The following SCML4 variants were observed in gnomAD, a reference collection of about 807,000 sequenced individuals.
The protein encoded by SCML4 is sex comb on midleg-like protein 4.
In SCML4, 34 loss-of-function variants were observed where a neutral mutation model predicts 41.1. That is an observed-to-expected ratio of 0.83 (90% CI 0.63 to 1.10). The LOEUF (loss-of-function observed/expected upper bound fraction) is 1.10, where lower values mean the gene tolerates loss of function less well. Among genes scored for constraint, SCML4 ranks in the 50% least tolerant of loss-of-function variants. SCML4 has a pLI of 0.00. For synonymous variants in SCML4, 214 were observed against 220.9 expected, an observed-to-expected ratio of 0.97 and a Z score of 0.28; for missense variants, 522 against 534.1, an observed-to-expected ratio of 0.98 and a Z score of 0.22.
At chr6:107,770,173 T>G (rs758377815) in intron 2 of SCML4, among the ~76,000 whole-genome samples, 10 of 152,274 alleles carry the variant, frequency 6.6e-5, no homozygotes, top group Non-Finnish European at 1.3e-4. Flanking sequence ...CTGGGGAGAT[T>G]AATAGGTTGC....
chr6:107,742,102 AT>A (rs1230622392), intron 5 of SCML4, among the ~76,000 whole-genome samples: 4 of 152,342 alleles, frequency 2.6e-5, no homozygotes, highest in South Asian at 2.1e-4. Context: ...ATTAAAAAAA[AT>A]CAAACAGAAA....
intron 1 of SCML4, among the ~76,000 whole-genome samples, chr6:107,799,956 G>A (rs761064346): frequency 2.0e-5 from 3 of 149,932 alleles, no homozygotes; most frequent in Admixed American, 6.6e-5. Context: ...GTCCACTGTG[G>A]ATATGTTCCT....
intron 5 of SCML4, among the ~76,000 whole-genome samples, chr6:107,735,672 T>G: frequency 6.6e-6 from 1 of 151,506 alleles, no homozygotes; most frequent in East Asian, 1.9e-4. Flanking sequence ...GGTGGCAGGC[T>G]CCTGTAATCC....
At chr6:107,784,531 A>C (rs1484193564) in intron 1 of SCML4, among the ~76,000 whole-genome samples, 12 of 152,240 alleles carry the variant, frequency 7.9e-5, no homozygotes, top group Non-Finnish European at 7.3e-5. Flanking sequence ...AAGCATTTTT[A>C]CAATAGTAGC....
At chr6:107,812,822 C>A (rs182429908) in intron 1 of SCML4, among the ~76,000 whole-genome samples, 4 of 151,584 alleles carry the variant, frequency 2.6e-5, no homozygotes, top group Admixed American at 2.0e-4. Context: ...CGGGACTTCT[C>A]GGCCTCCATA....
chr6:107,720,793 T>C lies in SCML4; in HGVS notation c.883A>G (p.Met295Val), dbSNP rs746589437. ...GGTGCCGAGGGGCCACCAGAAGACA[T>C]GGGGCTAGTGCGGGGACCACCAGCG... The part of the protein sequence containing the change: ...ATAGGPRTSP[M>V]SSGGPSAPGL... The change falls in exon 6 of 8, where the codon ATG (methionine) becomes GTG (valine). Residue 295 changes from methionine (M) to valine (V), a missense_variant. By Grantham distance (21) the Met-to-Val change is conservative. Coordinates refer to ENST00000369020, the MANE Select transcript of SCML4 (RefSeq NM_198081.5). 32 of 1,613,640 alleles carry C rather than the reference T, an allele frequency of 2.0e-5. No homozygotes were observed. Among genetic ancestry groups the C allele is most frequent in the Non-Finnish European group, 2.6e-5 (31 of 1,179,848 alleles).
At chr6:107,755,653 T>C in intron 2 of SCML4, 1 of 1,305,308 alleles carries the variant, frequency 7.7e-7, no homozygotes, top group Non-Finnish European at 1.0e-6. Flanking sequence ...TCTTTGTTGT[T>C]GCCTTAGGTT....
intron 1 of SCML4, among the ~76,000 whole-genome samples, chr6:107,792,143 T>A (rs1782378549): frequency 6.6e-6 from 1 of 152,136 alleles, no homozygotes; most frequent in African/African-American, 2.4e-5. Flanking sequence ...TAGGAACACG[T>A]GAGCAGAAGG....
At chr6:107,753,159 T>C (rs1379649560) in intron 2 of SCML4, among the ~76,000 whole-genome samples, 1 of 151,922 alleles carries the variant, frequency 6.6e-6, no homozygotes, top group East Asian at 1.9e-4. Flanking sequence ...AATAACAAAA[T>C]GAAAACCCCC....
Position 107,824,309 on chromosome 6 carries a change from AATGC to A in SCML4, c.-247_-244del, listed in dbSNP as rs1785156640. ...CCAGCTGCAAACATCTCATTAGACT[AATGC>A]ATTCAGCACAGGCAGAAAACTCGAT... On this transcript the variant is annotated 5_prime_UTR_variant, in exon 1 of 8. Coordinates refer to ENST00000369020, the MANE Select transcript of SCML4 (RefSeq NM_198081.5). 6.6e-6 allele frequency: 1 copy of A among 152,260 alleles called. No homozygotes were observed. Among genetic ancestry groups the A allele is most frequent in the Non-Finnish European group, 1.5e-5 (1 of 68,064 alleles). 9.4% of individuals were successfully genotyped at this position (152,260 alleles called of 1,614,324 possible). A position where few individuals can be genotyped will look rare whatever the true frequency, so the allele number is the denominator to read the frequency against.
At chr6:107,800,093 C>G (rs567395402) in intron 1 of SCML4, among the ~76,000 whole-genome samples, 57 of 151,960 alleles carry the variant, frequency 3.8e-4, no homozygotes, top group African/African-American at 1.4e-3. Context: ...TCAAGCCATC[C>G]TCCCCCCTCA....
At chr6:107,804,569 A>C (rs993296811) in intron 1 of SCML4, among the ~76,000 whole-genome samples, 2 of 152,240 alleles carry the variant, frequency 1.3e-5, no homozygotes, top group African/African-American at 4.8e-5. Context: ...ATGTGTATAT[A>C]TGTACAGACA....
chr6:107,795,676 C>T (rs1233338986), intron 1 of SCML4, among the ~76,000 whole-genome samples: 1 of 152,094 alleles, frequency 6.6e-6, no homozygotes, highest in Non-Finnish European at 1.5e-5. Context: ...TACAGGCGCG[C>T]ACCACCACAC....
intron 2 of SCML4, among the ~76,000 whole-genome samples, chr6:107,761,006 G>A (rs1162837126): frequency 1.3e-5 from 2 of 152,104 alleles, no homozygotes; most frequent in African/African-American, 2.4e-5. Context: ...TAGCTAAATA[G>A]AAAATTAATG....
chr6:107,812,936 T>C, intron 1 of SCML4, among the ~76,000 whole-genome samples: 1 of 151,890 alleles, frequency 6.6e-6, no homozygotes, highest in African/African-American at 2.4e-5. Context: ...GTTCTGTTTC[T>C]CTGGAGAACC....
chr6:107,727,557 A>G (rs1181874625), intron 5 of SCML4, among the ~76,000 whole-genome samples: 1 of 150,404 alleles, frequency 6.6e-6, no homozygotes, highest in Non-Finnish European at 1.5e-5. Context: ...TAAGCAGCCA[A>G]AGGGTCTGCA....
chr6:107,787,738 GC>G (rs1232954700), intron 1 of SCML4, among the ~76,000 whole-genome samples: 1 of 152,132 alleles, frequency 6.6e-6, no homozygotes, highest in Admixed American at 6.5e-5. Context: ...CTCCAAGTCG[GC>G]ACCTTGCCAA....
At chr6:107,816,417 G>A (rs1169909632) in intron 1 of SCML4, among the ~76,000 whole-genome samples, 4 of 152,202 alleles carry the variant, frequency 2.6e-5, no homozygotes, top group Admixed American at 6.5e-5. Flanking sequence ...GAGGAGGCTC[G>A]GGGATGCCAT....
intron 1 of SCML4, among the ~76,000 whole-genome samples, chr6:107,803,032 G>T (rs1287866116): frequency 1.5e-4 from 23 of 151,840 alleles, no homozygotes; most frequent in Admixed American, 3.9e-4. Flanking sequence ...AGACGGAGTC[G>T]CGTTCACTCA....
Sources: allele counts gnomAD v4.1 joint callset (sites outside exome capture counted in the v4.1 genomes callset), GRCh38; gene constraint gnomAD v4.1.1; transcripts MANE v1.5; gene names NCBI Gene and HGNC (gene_info 2026-07-23, HGNC 2026-07-21).